Variants in GRM3 observed in about 807,000 individuals in gnomAD.
The protein encoded by GRM3 is glutamate metabotropic receptor 3.
GRM3 carries 26 observed loss-of-function variants against 70.5 expected under a neutral mutation model. The observed-to-expected ratio is 0.37, with a 90% CI of 0.27 to 0.51. GRM3 has a LOEUF of 0.51. GRM3 is among the 20% of genes least tolerant of loss of function. The pLI is 0.93. For synonymous variants in GRM3, 443 were observed against 434.9 expected (o/e 1.02, Z -0.23); for missense variants, 859 against 1,123.8 (o/e 0.76, Z 3.37).
At position 86,786,269 on chromosome 7, in the gene GRM3, C is replaced by T. The variant is rs903053211; in HGVS notation, c.477C>T (p.Asn159=). 4 of 1,611,118 alleles carry T rather than the reference C, an allele frequency of 2.5e-6. No homozygotes were observed. In the African/African-American group the frequency reaches 5.3e-5, roughly 22 times the overall value. The change falls in exon 3 of 6, where the codon AAC becomes AAT. Residue 159 remains asparagine (N), a synonymous_variant. Transcript: ENST00000361669. This position sits in a 1 kb window ranked among gnomAD's most constrained non-coding sequence, Gnocchi z 6.0. ...SYSSVSIQVA[N]LLRLFQIPQI... The stretch of plus-strand genomic sequence containing the variant: ...TCTTCTCCCTCCCCTAGGTGGCAAA[C>T]CTGCTGCGGCTCTTCCAGATCCCTC...
chr7:86,706,572 T>G (rs1297078352), intron 1 of GRM3, among the ~76,000 whole-genome samples: 1 of 151,812 alleles, frequency 6.6e-6, no homozygotes, highest in Non-Finnish European at 1.5e-5. Flanking sequence ...ACACTACAAA[T>G]CAAGGAGATG....
intron 1 of GRM3, among the ~76,000 whole-genome samples, chr7:86,709,109 C>A (rs1795133144): frequency 6.6e-6 from 1 of 151,968 alleles, no homozygotes; most frequent in Non-Finnish European, 1.5e-5. Context: ...CCCTATGTGC[C>A]CTTGTTTGAG....
chr7:86,855,793 C>A (rs889058673), intron 5 of GRM3, among the ~76,000 whole-genome samples: 1 of 152,084 alleles, frequency 6.6e-6, no homozygotes, highest in Non-Finnish European at 1.5e-5. Context: ...TAGCAGGGGG[C>A]AAGCCATTGT....
chr7:86,683,212 A>G (rs536537487), intron 1 of GRM3, among the ~76,000 whole-genome samples: 1 of 152,222 alleles, frequency 6.6e-6, no homozygotes, highest in African/African-American at 2.4e-5. Context: ...GACTGAGTAG[A>G]TGTAGATAAG....
chr7:86,700,544 A>C (rs1448984206), intron 1 of GRM3, among the ~76,000 whole-genome samples: 1 of 151,852 alleles, frequency 6.6e-6, no homozygotes, highest in African/African-American at 2.4e-5. Context: ...ATAACCCTAC[A>C]CCTGTCTTGG....
At position 86,812,908 on chromosome 7, in the gene GRM3, C is replaced by A. The variant is rs552963303; in HGVS notation, c.1324+25792C>A. Among the ~76,000 whole-genome samples, 4 of 151,742 alleles carry A rather than the reference C, an allele frequency of 2.6e-5. No homozygotes were observed. The South Asian group carries it at 8.3e-4, about 31-fold the overall frequency. ...GACCCAGTTTGCTCTATGTAATGAA[C>A]AACTAAACTTCTCAGTAACACCACA... On this transcript the variant is annotated intron_variant, in intron 3 of 5. Transcript: ENST00000361669.
chr7:86,745,850 A>C (rs933612099), intron 1 of GRM3, among the ~76,000 whole-genome samples: 15 of 152,072 alleles, frequency 9.9e-5, no homozygotes, highest in African/African-American at 3.4e-4. Flanking sequence ...TACCTGATTA[A>C]ACGAGCTCAC....
chr7:86,786,180 G>A lies in GRM3; in HGVS notation c.469-81G>A, dbSNP rs1319712699. ...AGAGGGAAAAGGGAGTCAGTAAAAG[G>A]TGTGGATGCTATTATTCATTTTCAT... On this transcript the variant is annotated intron_variant, in intron 2 of 5. Transcript: ENST00000361669. The surrounding 1 kb of genome is among the most constrained non-coding windows in gnomAD (Gnocchi z 6.0). 1.7e-6 allele frequency: 2 copies of A among 1,185,966 alleles called. No individual in the cohort carries two copies. The highest frequency in any genetic ancestry group is 2.4e-6 in the Non-Finnish European group (2 of 827,864). 73.5% of individuals were successfully genotyped at this position (1,185,966 alleles called of 1,614,324 possible).
intron 1 of GRM3, among the ~76,000 whole-genome samples, chr7:86,664,606 A>T (rs1793978315): frequency 6.6e-6 from 1 of 151,908 alleles, no homozygotes; most frequent in Admixed American, 6.6e-5. Context: ...TATCCTAGGG[A>T]TTTTGTAACA....
chr7:86,686,296 A>G (rs1006575920), intron 1 of GRM3, among the ~76,000 whole-genome samples: 4 of 152,176 alleles, frequency 2.6e-5, no homozygotes, highest in African/African-American at 9.7e-5. Flanking sequence ...TTCACTGAAG[A>G]GACAAATATA....
chr7:86,797,448 C>A (rs554530458), intron 3 of GRM3, among the ~76,000 whole-genome samples: 1 of 152,146 alleles, frequency 6.6e-6, no homozygotes, highest in South Asian at 2.1e-4. Flanking sequence ...ATTTGTGGAG[C>A]TTTGAACTTG....
intron 3 of GRM3, among the ~76,000 whole-genome samples, chr7:86,815,155 G>A (rs928063943): frequency 6.6e-6 from 1 of 151,664 alleles, no homozygotes; most frequent in Non-Finnish European, 1.5e-5. Flanking sequence ...AGGGGGAAAA[G>A]GAGGGGGAAC....
At chr7:86,692,753 TTAA>T (rs1227466498) in intron 1 of GRM3, among the ~76,000 whole-genome samples, 1 of 152,248 alleles carries the variant, frequency 6.6e-6, no homozygotes, top group African/African-American at 2.4e-5. Flanking sequence ...ATTTTTTGAA[TTAA>T]TAATCAAAGT....
At chr7:86,746,344 TATA>T (rs1562846595) in intron 1 of GRM3, among the ~76,000 whole-genome samples, 724 of 51,988 alleles carry the variant, frequency 0.014, 37 homozygotes, top group African/African-American at 0.027. Context: ...TCATGTATTA[TATA>T]TATATATATA....
intron 1 of GRM3, among the ~76,000 whole-genome samples, chr7:86,760,850 C>A (rs976063285): frequency 6.6e-6 from 1 of 152,054 alleles, no homozygotes; most frequent in African/African-American, 2.4e-5. Flanking sequence ...TATGCCCTGT[C>A]ACAGAGCTAA....
At chr7:86,679,881 C>T (rs1243863046) in intron 1 of GRM3, among the ~76,000 whole-genome samples, 1 of 152,026 alleles carries the variant, frequency 6.6e-6, no homozygotes, top group Non-Finnish European at 1.5e-5. Context: ...TCACTCAGAG[C>T]CATGAATTTA....
chr7:86,813,545 T>C (rs1025627722), intron 3 of GRM3, among the ~76,000 whole-genome samples: 1 of 151,772 alleles, frequency 6.6e-6, no homozygotes, highest in Admixed American at 6.6e-5. Context: ...ATCATCTGAG[T>C]TCACCTTAGC....
Position 86,851,352 on chromosome 7 carries a change from G to A in GRM3, c.2566+808G>A, listed in dbSNP as rs555237971. Among the ~76,000 whole-genome samples the A allele has an allele frequency of 2.6e-5, 4 of 152,248 alleles. No individual in the cohort carries two copies. The East Asian group carries it at 7.7e-4, about 29-fold the overall frequency. ...AAATGTCTGAAACACTATCCTTAGAGAATCATTGATTTAATTCTTTAGAGT... is the reference window on the plus strand; with the variant it reads ...AAATGTCTGAAACACTATCCTTAGAAAATCATTGATTTAATTCTTTAGAGT... On this transcript the variant is annotated intron_variant, in intron 5 of 5. Transcript: ENST00000361669.
At chr7:86,788,928 G>T (rs2051344921) in intron 3 of GRM3, among the ~76,000 whole-genome samples, 1 of 152,152 alleles carries the variant, frequency 6.6e-6, no homozygotes, top group African/African-American at 2.4e-5. Context: ...TGAACGCTTA[G>T]AATTCAGAGA....
Sources: gnomAD v4.1 joint callset for allele counts (sites outside exome capture counted in the v4.1 genomes callset) on GRCh38, gnomAD v4.1.1 for gene constraint, Gnocchi (gnomAD v3.1) non-coding constraint, MANE v1.5 for transcripts, NCBI Gene and HGNC (gene_info 2026-07-23, HGNC 2026-07-21) for gene names.